ELP2: variants seen among roughly 807,000 people sequenced by gnomAD.
ELP2 encodes elongator complex protein 2.
In ELP2, 90 loss-of-function variants were observed where a neutral mutation model predicts 119.2. The observed-to-expected ratio is 0.75, with a 90% CI of 0.64 to 0.90. ELP2 has a LOEUF of 0.90. Ranked by LOEUF, ELP2 falls within the 40% of genes least tolerant of loss-of-function variation. The pLI, the probability that ELP2 is intolerant of heterozygous loss-of-function variation, is 0.00. For synonymous variants in ELP2, 339 were observed against 331.0 expected, an observed-to-expected ratio of 1.02 and a Z score of -0.26; for missense variants, 921 against 967.8, an observed-to-expected ratio of 0.95 and a Z score of 0.64.
intron 13 of ELP2, among the ~76,000 whole-genome samples, chr18:36,157,431 G>A (rs2090606892): frequency 6.6e-6 from 1 of 152,098 alleles, no homozygotes; most frequent in Non-Finnish European, 1.5e-5. Context: ...GAGCAAAGGG[G>A]AGGCCAGAGC....
intron 8 of ELP2, among the ~76,000 whole-genome samples, chr18:36,143,421 CTTTT>C (rs67196641): frequency 7.1e-5 from 7 of 98,018 alleles, no homozygotes; most frequent in African/African-American, 7.7e-5. Flanking sequence ...CGTGCCTGGC[CTTTT>C]TTTTTTTTTT....
intron 11 of ELP2, among the ~76,000 whole-genome samples, chr18:36,150,685 G>A (rs2090367923): frequency 6.6e-6 from 1 of 152,160 alleles, no homozygotes; most frequent in South Asian, 2.1e-4. Flanking sequence ...GTGTGGTTCA[G>A]GCAATTCTGC....
chr18:36,157,354 G>A (rs375921500), intron 13 of ELP2, among the ~76,000 whole-genome samples: 2 of 152,128 alleles, frequency 1.3e-5, no homozygotes, highest in Admixed American at 6.5e-5. Context: ...GCTCAAAAAG[G>A]ATAAGTACCC....
Position 36,176,047 on chromosome 18 carries a change from TAAAGG to T in ELP2, c.*1410_*1414del, listed in dbSNP as rs967200749. Reference sequence around the variant, plus strand: ...TTAAAATTTTCAAGTAGCCACATAATAAAGGAAACAGGTGAAATTTAATGACATAT... The same window carrying T: ...TTAAAATTTTCAAGTAGCCACATAATAAACAGGTGAAATTTAATGACATAT... On this transcript the variant is annotated 3_prime_UTR_variant, in exon 22 of 22. Coordinates refer to ENST00000358232, the MANE Select transcript of ELP2 (RefSeq NM_018255.4). 2.6e-5 allele frequency: 4 copies of T among 152,218 alleles called. No homozygotes were observed. The highest frequency in any genetic ancestry group is 2.6e-4 in the Admixed American group (4 of 15,276). 9.4% of individuals were successfully genotyped at this position (152,218 alleles called of 1,614,324 possible).
chr18:36,130,179 G>C, intron 1 of ELP2, 108 bp downstream of exon 1: 1 of 1,456,514 alleles, frequency 6.9e-7, no homozygotes, highest in Non-Finnish European at 9.5e-7. Flanking sequence ...GGCGAGTCGG[G>C]TCGGCTCAGG....
At chr18:36,138,661 G>C in intron 4 of ELP2, 134 bp from the exon 5 acceptor site, 1 of 896,532 alleles carries the variant, frequency 1.1e-6, no homozygotes, top group South Asian at 1.4e-5. Flanking sequence ...ACTTCACATG[G>C]TCAGTGGGGG....
chr18:36,169,902 G>C (rs2091025768), intron 19 of ELP2, 161 bp from the exon 20 acceptor site: 1 of 921,782 alleles, frequency 1.1e-6, no homozygotes, highest in African/African-American at 1.6e-5. Context: ...TCTGATGCTT[G>C]AAATGCTCTC....
intron 18 of ELP2, among the ~76,000 whole-genome samples, chr18:36,166,289 T>G (rs193080414): frequency 6.7e-6 from 1 of 148,210 alleles, no homozygotes; most frequent in East Asian, 2.1e-4. Flanking sequence ...TCCCTCCTCA[T>G]AAACAGTTAT....
chr18:36,133,307 C>T lies in ELP2; in HGVS notation c.208C>T (p.Gln70Ter), dbSNP rs150024269. The T allele has an allele frequency of 6.8e-6, 11 of 1,612,090 alleles. No individual in the cohort carries two copies. Among genetic ancestry groups the T allele is most frequent in the Admixed American group, 1.7e-5 (1 of 59,994 alleles). The change falls in exon 2 of 22, where the codon CAG becomes TAG. Residue 70 changes from glutamine to a stop codon, truncating the protein, a stop_gained. Transcript: ENST00000358232. LOFTEE classifies it high-confidence loss of function. The stretch of plus-strand genomic sequence containing the variant: ...CAATTGCATACAGTGGATTTGTAAA[C>T]AGGATGGCTGTAAGTATTAACCAGA... ...RVNCIQWICK[Q>*]DGSPSTELVS...
intron 8 of ELP2, 127 bp downstream of exon 8, chr18:36,143,093 T>C: frequency 1.5e-6 from 1 of 679,324 alleles, no homozygotes; most frequent in Non-Finnish European, 2.4e-6. Context: ...TGAAATTTCT[T>C]TTTTCTTTCT....
At chr18:36,168,477 A>T (rs2090970375) in intron 19 of ELP2, among the ~76,000 whole-genome samples, 1 of 152,224 alleles carries the variant, frequency 6.6e-6, no homozygotes, top group Non-Finnish European at 1.5e-5. Context: ...AAACTCAGTC[A>T]TGGCAGAAGG....
At chr18:36,151,051 T>C (rs1331860528) in intron 11 of ELP2, among the ~76,000 whole-genome samples, 2 of 150,774 alleles carry the variant, frequency 1.3e-5, no homozygotes, top group Non-Finnish European at 2.9e-5. Context: ...CCAGATCAGA[T>C]TTTTCACTGT....
intron 16 of ELP2, among the ~76,000 whole-genome samples, chr18:36,160,260 A>G (rs1037269494): frequency 1.3e-5 from 2 of 152,088 alleles, no homozygotes; most frequent in South Asian, 4.2e-4. Context: ...GAGAAGCATA[A>G]CAATATATAT....
chr18:36,173,949 A>C (rs952514041), intron 21 of ELP2, among the ~76,000 whole-genome samples: 8 of 152,208 alleles, frequency 5.3e-5, no homozygotes, highest in Admixed American at 2.6e-4. Flanking sequence ...GTCTTGCCCA[A>C]GGTCACGCAG....
Position 36,174,700 on chromosome 18 carries a change from A to C in ELP2, c.*59A>C. On this transcript the variant is annotated 3_prime_UTR_variant, in exon 22 of 22. Coordinates refer to ENST00000358232, the MANE Select transcript of ELP2 (RefSeq NM_018255.4). ...TATCTTAAAATATTATCATGTAAAC[A>C]GGTCATCTTTACCTTCATAACTGAA... 6.5e-7 allele frequency: 1 copy of C among 1,546,254 alleles called. No homozygotes were observed. The highest frequency in any genetic ancestry group is 8.9e-7 in the Non-Finnish European group (1 of 1,121,754).
chr18:36,169,409 G>A (rs1307272644), intron 19 of ELP2, among the ~76,000 whole-genome samples: 4 of 149,402 alleles, frequency 2.7e-5, no homozygotes, highest in East Asian at 4.0e-4. Context: ...TTTTTGAGAC[G>A]GAGTTTCACT....
In ELP2 at chr18:36,142,299, C is replaced by T. The variant is rs148860692; in HGVS notation, c.607C>T (p.Leu203Phe). Residue 203 changes from leucine to phenylalanine, a missense_variant, in exon 7 of 22, where the codon CTC (leucine) becomes TTC (phenylalanine). By Grantham distance (22) the Leu-to-Phe change is conservative. Coordinates refer to ENST00000358232, the MANE Select transcript of ELP2 (RefSeq NM_018255.4). ...QNDQFQKVLS[L>F]CGHEDWIRGV... ...TTACTAGTTTCAGAAAGTGCTTTCT[C>T]TCTGTGGACATGAGGATTGGATTAG... is the stretch of plus-strand genomic sequence containing the variant. The T allele has an allele frequency of 3.1e-5, 50 of 1,613,836 alleles. No homozygotes were observed. The Middle Eastern group carries it at 4.9e-4, about 16-fold the overall frequency.
chr18:36,167,216 C>T lies in ELP2; in HGVS notation c.2070C>T (p.Asp690=). 6.3e-7 allele frequency: 1 copy of T among 1,583,624 alleles called. No homozygotes were observed. The highest frequency in any genetic ancestry group is 8.6e-7 in the Non-Finnish European group (1 of 1,163,266). Residue 690 remains aspartate (D), a synonymous_variant, in exon 19 of 22, where the codon GAC becomes GAT. Coordinates refer to ENST00000358232, the MANE Select transcript of ELP2 (RefSeq NM_018255.4). ...AGTATTTCTTCACTGGGAGTCGAGA[C>T]AAAAAGGTAATTATTTAAAAATTTA... is the stretch of plus-strand genomic sequence containing the variant. The part of the protein sequence containing the change: ...DSKYFFTGSR[D]KKVVVWGECD...
rs770673010 is a variant in ELP2, at chr18:36,141,190, C to A, written c.577C>A (p.Gln193Lys). The A allele has an allele frequency of 3.1e-6, 5 of 1,611,558 alleles. No homozygotes were observed. In the African/African-American group the frequency reaches 6.7e-5, roughly 22 times the overall value. Residue 193 changes from glutamine (Q) to lysine (K), a missense_variant, in exon 6 of 22, where the codon CAA becomes AAA. By Grantham distance (53) the Gln-to-Lys change is moderately conservative. Coordinates refer to ENST00000358232, the MANE Select transcript of ELP2 (RefSeq NM_018255.4). ...DDCRIHIFAQ[Q>K]NDQFQKVLSL... is the part of the protein sequence containing the mutation. Reference sequence around the variant, plus strand: ...TTGCAGAATTCACATATTTGCTCAACAAAATGATCAGGTAATAATGTTTAT... The same window carrying A: ...TTGCAGAATTCACATATTTGCTCAAAAAAATGATCAGGTAATAATGTTTAT...
Sources: allele counts gnomAD v4.1 joint callset (sites outside exome capture counted in the v4.1 genomes callset), GRCh38; gene constraint gnomAD v4.1.1; transcripts MANE v1.5; gene names NCBI Gene and HGNC (gene_info 2026-07-23, HGNC 2026-07-21).